SLC22A15: variants seen among roughly 807,000 people sequenced by gnomAD.
The protein encoded by SLC22A15 is flipt 1.
SLC22A15 carries 45 observed loss-of-function variants against 62.7 expected under a neutral mutation model. The ratio of observed to expected loss-of-function variants is 0.72; its 90% confidence interval spans 0.56 to 0.92. The LOEUF (loss-of-function observed/expected upper bound fraction) is 0.92, where lower values mean the gene tolerates loss of function less well. SLC22A15 is among the 40% of genes least tolerant of loss of function. The pLI is 0.00. For missense variants in SLC22A15, 622 were observed against 665.6 expected, an observed-to-expected ratio of 0.93 and a Z score of 0.72; for synonymous variants, 264 against 267.0, an observed-to-expected ratio of 0.99 and a Z score of 0.11.
chr1:115,995,410 G>T (rs1159011112), intron 2 of SLC22A15, among the ~76,000 whole-genome samples: 2 of 151,990 alleles, frequency 1.3e-5, no homozygotes, highest in Non-Finnish European at 2.9e-5. Flanking sequence ...TGCAACCAAT[G>T]CCCACTAATT....
At chr1:115,982,071 T>C (rs1654635764) in intron 1 of SLC22A15, among the ~76,000 whole-genome samples, 1 of 152,234 alleles carries the variant, frequency 6.6e-6, no homozygotes, top group African/African-American at 2.4e-5. Flanking sequence ...CAACAATTAA[T>C]TGGCCTTGGG....
At chr1:116,058,668 C>T (rs758902301) in intron 8 of SLC22A15, among the ~76,000 whole-genome samples, 7 of 152,188 alleles carry the variant, frequency 4.6e-5, no homozygotes, top group Non-Finnish European at 7.4e-5. Flanking sequence ...CTTGCACATG[C>T]ATGTTTATAG....
rs912886786 is a variant in SLC22A15, at chr1:115,986,190, GT to G, written c.88-5832del. ...CAAAAATTAGCTAACAGAGTTACTA[GT>G]TTTTTTTTCATCTTTTTTTTTGGTT... is the stretch of plus-strand genomic sequence containing the variant. On this transcript the variant is annotated intron_variant, in intron 1 of 11. Coordinates refer to ENST00000369503, the MANE Select transcript of SLC22A15 (RefSeq NM_018420.3). Among the ~76,000 whole-genome samples the G allele has an allele frequency of 9.3e-5, 14 of 150,378 alleles. No homozygotes were observed. In the East Asian group the frequency reaches 1.6e-3, roughly 17 times the overall value.
intron 8 of SLC22A15, among the ~76,000 whole-genome samples, chr1:116,052,273 G>A (rs1198054074): frequency 2.6e-5 from 4 of 152,226 alleles, no homozygotes; most frequent in African/African-American, 4.8e-5. Context: ...AGGGTCCTAC[G>A]CCCACGGAGT....
intron 8 of SLC22A15, among the ~76,000 whole-genome samples, chr1:116,039,320 G>A (rs1450691801): frequency 2.0e-5 from 3 of 152,170 alleles, no homozygotes; most frequent in South Asian, 2.1e-4. Flanking sequence ...ATCACCTAAG[G>A]TCAGGAGTTC....
At position 116,020,659 on chromosome 1, in the gene SLC22A15, T is replaced by G. The variant is rs1656781166; in HGVS notation, c.434-62T>G. On this transcript the variant is annotated intron_variant, in intron 3 of 11. Transcript: ENST00000369503. ...TATTTTATAAGCTAATGAATATAAT[T>G]TATTACTTTCATCAAATGCTATTTT... is the stretch of plus-strand genomic sequence containing the variant. The G allele has an allele frequency of 6.9e-6, 9 of 1,312,656 alleles. No individual in the cohort carries two copies. The Middle Eastern group carries it at 1.1e-3, about 157-fold the overall frequency. 81.3% of individuals were successfully genotyped at this position (1,312,656 alleles called of 1,614,324 possible).
At chr1:116,052,622 C>T (rs940785048) in intron 8 of SLC22A15, among the ~76,000 whole-genome samples, 1 of 152,226 alleles carries the variant, frequency 6.6e-6, no homozygotes, top group African/African-American at 2.4e-5. Context: ...TCCCTGACCC[C>T]TGACCCCCGA....
intron 2 of SLC22A15, among the ~76,000 whole-genome samples, chr1:116,008,714 T>C (rs2101193156): frequency 6.6e-6 from 1 of 152,290 alleles, no homozygotes; most frequent in Non-Finnish European, 1.5e-5. Flanking sequence ...GGGAAAGCAA[T>C]AATACTAGTC....
At position 116,020,719 on chromosome 1, in the gene SLC22A15, A is replaced by C; in HGVS notation, c.434-2A>C. The C allele has an allele frequency of 6.2e-7, 1 of 1,606,274 alleles. No individual in the cohort carries two copies. Among genetic ancestry groups the C allele is most frequent in the South Asian group, 1.1e-5 (1 of 90,012 alleles). ...TTATTGAATATTGTTTTCTCTTTCT[A>C]GGTTTTGCTCTTGACATCTTATTTG... On this transcript the variant is annotated splice_acceptor_variant, in intron 3 of 11. Coordinates refer to ENST00000369503, the MANE Select transcript of SLC22A15 (RefSeq NM_018420.3). LOFTEE classifies it high-confidence loss of function.
chr1:116,045,615 T>G (rs966823726), intron 8 of SLC22A15, among the ~76,000 whole-genome samples: 1 of 151,292 alleles, frequency 6.6e-6, no homozygotes, highest in Non-Finnish European at 1.5e-5. Context: ...GGTGCACCTC[T>G]GTAATCCCAG....
intron 2 of SLC22A15, among the ~76,000 whole-genome samples, chr1:116,001,948 G>T (rs987526671): frequency 8.5e-5 from 13 of 152,246 alleles, no homozygotes; most frequent in African/African-American, 2.4e-4. Flanking sequence ...AATCTTTGCA[G>T]TCTGGGCTTG....
intron 2 of SLC22A15, among the ~76,000 whole-genome samples, chr1:116,012,392 G>A (rs1197699079): frequency 6.7e-6 from 1 of 148,990 alleles, no homozygotes; most frequent in East Asian, 2.0e-4. Flanking sequence ...ATTAGCCTGG[G>A]CAACAAAATA....
rs966150010 is a variant in SLC22A15, at chr1:115,976,772, C to T, written c.87+58C>T. 22 of 1,361,450 alleles carry T rather than the reference C, an allele frequency of 1.6e-5. No individual in the cohort carries two copies. In the Admixed American group the frequency reaches 3.2e-4, roughly 20 times the overall value. 84.3% of individuals were successfully genotyped at this position (1,361,450 alleles called of 1,614,324 possible). ...CTCTTCAGGGCCGCCCGGCGCAGGGCTAGGCGTCCGCTCCCAGACCGCCGG... is the reference window on the plus strand; with the variant it reads ...CTCTTCAGGGCCGCCCGGCGCAGGGTTAGGCGTCCGCTCCCAGACCGCCGG... On this transcript the variant is annotated intron_variant, in intron 1 of 11. Transcript: ENST00000369503.
chr1:116,063,197 AC>A (rs996917729), intron 9 of SLC22A15, among the ~76,000 whole-genome samples: 1 of 152,150 alleles, frequency 6.6e-6, no homozygotes, highest in African/African-American at 2.4e-5. Flanking sequence ...TTATTCAGTC[AC>A]CCATCCTGCA....
chr1:116,037,252 T>A lies in SLC22A15; in HGVS notation c.1086-51T>A, dbSNP rs1460324964. 9.0e-6 allele frequency: 13 copies of A among 1,444,670 alleles called. No homozygotes were observed. In the Admixed American group the frequency reaches 2.2e-4, roughly 25 times the overall value. 89.5% of individuals were successfully genotyped at this position (1,444,670 alleles called of 1,614,324 possible). The stretch of plus-strand genomic sequence containing the variant: ...AATAAGAAGGTTGGGAAGAAACAGA[T>A]GAATTTATAAGGTTCTTAAGAGAAC... On this transcript the variant is annotated intron_variant, in intron 7 of 11. Coordinates refer to ENST00000369503, the MANE Select transcript of SLC22A15 (RefSeq NM_018420.3).
intron 8 of SLC22A15, among the ~76,000 whole-genome samples, chr1:116,039,229 T>C (rs1657717363): frequency 6.6e-6 from 1 of 152,134 alleles, no homozygotes; most frequent in African/African-American, 2.4e-5. Context: ...CGTGGATGTA[T>C]TGTCTATTTT....
In SLC22A15 at chr1:116,019,717, A is replaced by T; in HGVS notation, c.433+3A>T. ...AAGGAAAAAAGTCTATCTCACAGGT[A>T]ATCTATTAGAGTATTCATAAACTGG... On this transcript the variant is annotated splice_donor_region_variant and intron_variant, in intron 3 of 11. Transcript: ENST00000369503. 2.5e-6 allele frequency: 4 copies of T among 1,609,628 alleles called. No homozygotes were observed. Among genetic ancestry groups the T allele is most frequent in the Non-Finnish European group, 3.4e-6 (4 of 1,178,854 alleles).
At chr1:116,057,462 C>T (rs1428657903) in intron 8 of SLC22A15, among the ~76,000 whole-genome samples, 3 of 152,024 alleles carry the variant, frequency 2.0e-5, no homozygotes, top group African/African-American at 7.2e-5. Context: ...GTTGGTGGGA[C>T]TGTAAACTAG....
intron 2 of SLC22A15, among the ~76,000 whole-genome samples, chr1:116,002,367 G>A (rs781280556): frequency 2.0e-5 from 3 of 152,022 alleles, no homozygotes; most frequent in Non-Finnish European, 4.4e-5. Context: ...GTTTATTCAA[G>A]GCCCAAAGGC....
Sources: gnomAD v4.1 joint callset for allele counts (sites outside exome capture counted in the v4.1 genomes callset) on GRCh38, gnomAD v4.1.1 for gene constraint, MANE v1.5 for transcripts, NCBI Gene and HGNC (gene_info 2026-07-23, HGNC 2026-07-21) for gene names.